CECR2: variants seen among roughly 807,000 people sequenced by gnomAD.
The protein encoded by CECR2 is CECR2 histone acetyl-lysine reader.
A neutral mutation model predicts 154.5 loss-of-function variants in CECR2; 30 were observed. The observed-to-expected ratio is 0.19, with a 90% CI of 0.15 to 0.26. CECR2 has a LOEUF of 0.26. CECR2 is among the 10% of genes least tolerant of loss of function. CECR2 has a pLI of 1.00. For missense variants in CECR2, 1,743 were observed against 1,829.3 expected (o/e 0.95, Z 0.86); for synonymous variants, 725 against 683.7 (o/e 1.06, Z -0.94).
chr22:17,410,291 T>C (rs2054048198), intron 1 of CECR2, among the ~76,000 whole-genome samples: 1 of 152,158 alleles, frequency 6.6e-6, no homozygotes, highest in Non-Finnish European at 1.5e-5. Context: ...GTCAACTATT[T>C]TTTTTGTTGT....
At chr22:17,459,861 C>T (rs2054910282) in intron 1 of CECR2, among the ~76,000 whole-genome samples, 1 of 152,164 alleles carries the variant, frequency 6.6e-6, no homozygotes, top group African/African-American at 2.4e-5. Flanking sequence ...TCTTCAGAAG[C>T]CTCTTATCCT....
rs1342989138 is a variant in CECR2 at position 17,526,748 on chromosome 22, G to A, written c.1108+2477G>A. Among the ~76,000 whole-genome samples the A allele has an allele frequency of 9.1e-5, 13 of 142,226 alleles. No homozygotes were observed. The Admixed American group carries it at 1.0e-3, about 11-fold the overall frequency. The allele number at this position is 142,226 out of a possible 152,430, so 93.3% of individuals were successfully genotyped here. A position where few individuals can be genotyped will look rare whatever the true frequency, so the allele number is the denominator to read the frequency against. On this transcript the variant is annotated intron_variant, in intron 9 of 18. Transcript: ENST00000262608. ...CGCTTGAACCTGGGCAGCAGAGGTT[G>A]CAGTGAGCTAAGATTGCATCACTGC...
In CECR2 at chr22:17,499,894, T is replaced by G. The variant is rs571970158; in HGVS notation, c.545+345T>G. Among the ~76,000 whole-genome samples the G allele has an allele frequency of 2.6e-5, 4 of 152,264 alleles. No homozygotes were observed. In the South Asian group the frequency reaches 6.2e-4, roughly 24 times the overall value. Reference sequence around the variant, plus strand: ...CATCTTGCATCATCAGTCCTTGAGATCTCCTTATTTCGACTAGAATTAATG... The same window carrying G: ...CATCTTGCATCATCAGTCCTTGAGAGCTCCTTATTTCGACTAGAATTAATG... On this transcript the variant is annotated intron_variant, in intron 4 of 18. Transcript: ENST00000262608.
At chr22:17,502,100 C>T (rs187227663) in intron 5 of CECR2, among the ~76,000 whole-genome samples, 78 of 152,250 alleles carry the variant, frequency 5.1e-4, no homozygotes, top group Non-Finnish European at 7.4e-4. Flanking sequence ...TTCAGGGATA[C>T]AAGTGAAAAT....
In CECR2 at chr22:17,394,453, C is replaced by T. The variant is rs1305733294; in HGVS notation, c.126+24544C>T. 2.0e-5 allele frequency among the ~76,000 whole-genome samples: 3 copies of T among 151,924 alleles called. 1 individual carries two copies. Among genetic ancestry groups the T allele is most frequent in the South Asian group, 4.2e-4 (2 of 4,800 alleles). On this transcript the variant is annotated intron_variant, in intron 1 of 18. Transcript: ENST00000262608. ...TGAACTCTTGGCCTTAAGTGATGCTCCTGCGTAGGTTTTCTAAAGCTTTGA... is the reference window on the plus strand; with the variant it reads ...TGAACTCTTGGCCTTAAGTGATGCTTCTGCGTAGGTTTTCTAAAGCTTTGA...
Position 17,524,682 on chromosome 22 carries a change from A to T in CECR2, c.1108+411A>T, listed in dbSNP as rs567276894. 2.5e-3 allele frequency among the ~76,000 whole-genome samples: 236 copies of T among 95,920 alleles called. 3 individuals are homozygous for T. The highest frequency in any genetic ancestry group is 3.1e-3 in the Non-Finnish European group (153 of 50,128). 62.9% of individuals were successfully genotyped at this position (95,920 alleles called of 152,430 possible). A position where few individuals can be genotyped will look rare whatever the true frequency, so the allele number is the denominator to read the frequency against. ...GCTGGGATTACAGGCATGAGCCACC[A>T]TGCCTGGCCCTTTTTTTTTTTTTTT... On this transcript the variant is annotated intron_variant, in intron 9 of 18. Transcript: ENST00000262608.
At chr22:17,482,046 C>A (rs554792576) in intron 2 of CECR2, among the ~76,000 whole-genome samples, 1 of 134,488 alleles carries the variant, frequency 7.4e-6, no homozygotes, top group South Asian at 2.4e-4. Context: ...ACCTGGGAGG[C>A]GGAGCTTGCA....
At chr22:17,437,392 C>G (rs976952742) in intron 1 of CECR2, among the ~76,000 whole-genome samples, 30 of 152,146 alleles carry the variant, frequency 2.0e-4, no homozygotes, top group African/African-American at 6.5e-4. Context: ...CTCCAGCCAA[C>G]TGCTGAGAGT....
At chr22:17,464,864 T>TA (rs1569099204) in intron 1 of CECR2, among the ~76,000 whole-genome samples, 2 of 152,312 alleles carry the variant, frequency 1.3e-5, no homozygotes, top group East Asian at 1.9e-4. Flanking sequence ...GCCTCTCTAT[T>TA]AAGTTTTTCA....
In CECR2 at chr22:17,553,612, T is replaced by A. The variant is rs2056741395; in HGVS notation, c.*772T>A. ...TCCCCTAAGCACCTGGTGTCTCCAT[T>A]GGAGGCAGACTGCTCTCAGGAGACT... On this transcript the variant is annotated 3_prime_UTR_variant, in exon 19 of 19. Coordinates refer to ENST00000262608, the MANE Select transcript of CECR2 (RefSeq NM_001290047.2). 1 of 152,192 alleles carries A rather than the reference T, an allele frequency of 6.6e-6. No individual in the cohort carries two copies. Among genetic ancestry groups the A allele is most frequent in the South Asian group, 2.1e-4 (1 of 4,818 alleles). 9.4% of individuals were successfully genotyped at this position (152,192 alleles called of 1,614,324 possible).
chr22:17,544,214 A>C (rs528805837), intron 16 of CECR2, among the ~76,000 whole-genome samples: 6 of 152,286 alleles, frequency 3.9e-5, no homozygotes, highest in African/African-American at 1.4e-4. Flanking sequence ...AACATTAAAA[A>C]ATGGCCAGGC....
rs199665736 is a variant in CECR2 at position 17,376,634 on chromosome 22, C to CT, written c.126+6734dup. Among the ~76,000 whole-genome samples the CT allele has an allele frequency of 5.6e-4, 81 of 145,644 alleles. 1 individual carries two copies. The highest frequency in any genetic ancestry group is 3.5e-3 in the Admixed American group (51 of 14,750). On this transcript the variant is annotated intron_variant, in intron 1 of 18. Transcript: ENST00000262608. ...TAGTTGATGTGACTAAACACATTTT[C>CT]TTTTTTTTTGTTTTTTTTTTTTGAG...
intron 1 of CECR2, among the ~76,000 whole-genome samples, chr22:17,411,510 C>T (rs1425217573): frequency 6.6e-6 from 1 of 152,132 alleles, no homozygotes; most frequent in Non-Finnish European, 1.5e-5. Context: ...AAGTAATTAT[C>T]GGGCTGGGTC....
rs2056505963 is a variant in CECR2, at chr22:17,540,559, G to C, written c.1643G>C (p.Ser548Thr). ...AAAAGACGGAGTCGGGCTGGGCGAA[G>C]TGGTGGGAGCCATGTTTGGACCCGC... ...REKRRSRAGR[S>T]GGSHVWTRSR... is the part of the protein sequence containing the mutation. The change falls in exon 14 of 19, where the codon AGT becomes ACT. Residue 548 changes from serine (S) to threonine (T), a missense_variant. Physicochemically the swap from Ser to Thr is moderately conservative, Grantham distance 58. Around this residue, in one of 4 missense-constraint regions of CECR2, gnomAD observed 103 missense variants for 166.8 expected, o/e 0.62. Coordinates refer to ENST00000262608, the MANE Select transcript of CECR2 (RefSeq NM_001290047.2). The C allele has an allele frequency of 6.2e-7, 1 of 1,612,740 alleles. No individual in the cohort carries two copies. The highest frequency in any genetic ancestry group is 1.1e-5 in the South Asian group (1 of 90,862).
chr22:17,538,807 AAT>A (rs202127999), intron 12 of CECR2, 76 bp downstream of exon 12: 63 of 1,347,558 alleles, frequency 4.7e-5, no homozygotes, highest in Admixed American at 6.8e-5. Context: ...TTTGTTGTTA[AAT>A]ATATATATAT....
chr22:17,513,973 G>A (rs924879798), intron 8 of CECR2, among the ~76,000 whole-genome samples: 11 of 151,996 alleles, frequency 7.2e-5, no homozygotes, highest in Non-Finnish European at 7.4e-5. Context: ...TCTTCAGTTC[G>A]AACAAAAAGA....
At chr22:17,486,568 C>T (rs546602486) in intron 2 of CECR2, among the ~76,000 whole-genome samples, 5 of 152,234 alleles carry the variant, frequency 3.3e-5, no homozygotes, top group East Asian at 3.9e-4. Context: ...ACGCGGGTGG[C>T]CTTGAGGAGC....
chr22:17,477,900 C>T (rs906789854), intron 2 of CECR2, among the ~76,000 whole-genome samples: 11 of 152,210 alleles, frequency 7.2e-5, no homozygotes, highest in Non-Finnish European at 1.6e-4. Flanking sequence ...TTCATTCTCA[C>T]AAATCCATAT....
In CECR2 at chr22:17,548,393, G is replaced by T. The variant is rs370892204; in HGVS notation, c.3106G>T (p.Ala1036Ser). The change falls in exon 17 of 19, where the codon GCC (alanine) becomes TCC (serine). Residue 1036 changes from alanine (A) to serine (S), a missense_variant. Physicochemically the swap from Ala to Ser is moderately conservative, Grantham distance 99. Coordinates refer to ENST00000262608, the MANE Select transcript of CECR2 (RefSeq NM_001290047.2). ...PSDSSYPGPA[A>S]QGCVRDLSTV... ...GGATAGCAGCTACCCCGGCCCAGCC[G>T]CCCAAGGGTGCGTGAGAGACCTCTC... 2.4e-5 allele frequency: 39 copies of T among 1,613,558 alleles called. No homozygotes were observed. The highest frequency in any genetic ancestry group is 2.9e-5 in the Non-Finnish European group (34 of 1,179,750).
Sources: gnomAD v4.1 joint callset for allele counts (sites outside exome capture counted in the v4.1 genomes callset) on GRCh38, gnomAD v4.1.1 for gene constraint, gnomAD v4.1.1 regional missense constraint, MANE v1.5 for transcripts, NCBI Gene and HGNC (gene_info 2026-07-23, HGNC 2026-07-21) for gene names.